The following FNBP1 variants were observed in gnomAD, a reference collection of about 807,000 sequenced individuals.
The protein encoded by FNBP1 is formin-binding protein 1.
FNBP1 carries 26 observed loss-of-function variants against 90.6 expected under a neutral mutation model. The ratio of observed to expected loss-of-function variants is 0.29; its 90% CI spans 0.21 to 0.40. The LOEUF is 0.40. FNBP1 is among the 10% of genes least tolerant of loss of function. FNBP1 has a pLI of 1.00. For synonymous variants in FNBP1, 260 were observed against 265.2 expected (o/e 0.98, Z 0.19); for missense variants, 635 against 768.0 (o/e 0.83, Z 2.05).
intron 1 of FNBP1, among the ~76,000 whole-genome samples, chr9:129,998,331 A>G (rs1029935048): frequency 6.6e-6 from 1 of 151,882 alleles, no homozygotes; most frequent in Admixed American, 6.6e-5. Context: ...CCTGGCCAAC[A>G]TGGTAAAACC....
chr9:129,892,105 A>G (rs890755885), intron 16 of FNBP1, among the ~76,000 whole-genome samples: 1 of 152,142 alleles, frequency 6.6e-6, no homozygotes. Context: ...GCAGTTATAA[A>G]AACAGAAAGG....
chr9:129,964,784 T>G (rs935800204), intron 4 of FNBP1, among the ~76,000 whole-genome samples: 3 of 151,978 alleles, frequency 2.0e-5, no homozygotes, highest in Non-Finnish European at 4.4e-5. Context: ...AGCTGCTCAT[T>G]TTTGCTATTT....
chr9:129,982,374 G>C (rs1329098991), intron 2 of FNBP1, among the ~76,000 whole-genome samples: 1 of 152,144 alleles, frequency 6.6e-6, no homozygotes, highest in Non-Finnish European at 1.5e-5. Context: ...GGGAGGCTGG[G>C]GCAGGGGAAT....
chr9:130,007,739 G>A (rs565323887), intron 1 of FNBP1, among the ~76,000 whole-genome samples: 3 of 152,224 alleles, frequency 2.0e-5, no homozygotes, highest in Admixed American at 6.5e-5. Flanking sequence ...TTTTAAGGCC[G>A]GCGTGGTGGC....
At chr9:129,913,390 G>T (rs2039689563) in intron 11 of FNBP1, among the ~76,000 whole-genome samples, 1 of 152,102 alleles carries the variant, frequency 6.6e-6, no homozygotes, top group Non-Finnish European at 1.5e-5. Flanking sequence ...AACAGGAGGA[G>T]TTGGTATGGG....
chr9:129,905,314 T>TATATATATATATATA (rs1564282833), intron 12 of FNBP1, among the ~76,000 whole-genome samples: 2 of 48,816 alleles, frequency 4.1e-5, no homozygotes, highest in African/African-American at 1.3e-4. Flanking sequence ...ATATATATAT[T>TATATATATATATATA]TTGTTAATTA....
chr9:129,908,514 ATTTCT>A (rs1282840188), intron 12 of FNBP1, among the ~76,000 whole-genome samples: 4 of 145,044 alleles, frequency 2.8e-5, no homozygotes, highest in African/African-American at 5.1e-5. Context: ...CTGAACTTGA[ATTTCT>A]TTTCTTTTAA....
chr9:129,964,687 T>G (rs1194068115), intron 4 of FNBP1, among the ~76,000 whole-genome samples: 1 of 151,734 alleles, frequency 6.6e-6, no homozygotes, highest in Non-Finnish European at 1.5e-5. Context: ...ACAATTTTAC[T>G]GAACTGCAAG....
At position 129,900,560 on chromosome 9, in the gene FNBP1, G is replaced by A. The variant is rs1218322055; in HGVS notation, c.1429-13C>T. 3.9e-6 allele frequency: 6 copies of A among 1,534,808 alleles called. No homozygotes were observed. Among genetic ancestry groups the A allele is most frequent in the Admixed American group, 2.1e-5 (1 of 47,028 alleles). ...CAGCCAGCCAGGCCTGGAGACAAAA[G>A]CAATGAGAGACTCCAACCTAAGGCC... is the stretch of plus-strand genomic sequence containing the variant. On this transcript the variant is annotated splice_polypyrimidine_tract_variant and intron_variant, in intron 13 of 16. Coordinates refer to ENST00000446176, the MANE Select transcript of FNBP1 (RefSeq NM_015033.3). The surrounding 1 kb of genome is among the most constrained non-coding windows in gnomAD (Gnocchi z 4.1).
At chr9:129,905,313 T>TATATATATATATATATATATATA (rs1554766990) in intron 12 of FNBP1, among the ~76,000 whole-genome samples, 9 of 145,590 alleles carry the variant, frequency 6.2e-5, no homozygotes, top group African/African-American at 2.0e-4. Flanking sequence ...TATATATATA[T>TATATATATATATATATATATATA]TTTGTTAATT....
At chr9:129,947,478 G>A (rs552977335) in intron 6 of FNBP1, among the ~76,000 whole-genome samples, 2 of 149,928 alleles carry the variant, frequency 1.3e-5, no homozygotes, top group Non-Finnish European at 3.0e-5. Flanking sequence ...AAAAACAAAA[G>A]GCAAGTTCCT....
intron 2 of FNBP1, among the ~76,000 whole-genome samples, chr9:129,989,955 T>C (rs2052864657): frequency 6.6e-6 from 1 of 151,962 alleles, no homozygotes; most frequent in South Asian, 2.1e-4. Context: ...GGAGGTTCAC[T>C]TGAGCCCGGG....
intron 7 of FNBP1, 33 bp from the exon 8 acceptor site, chr9:129,927,374 G>A: frequency 6.3e-7 from 1 of 1,594,880 alleles, no homozygotes; most frequent in Non-Finnish European, 8.6e-7. Flanking sequence ...AAGTAAGTTT[G>A]GTCCATTATT....
intron 12 of FNBP1, 41 bp from the exon 13 acceptor site, chr9:129,903,042 A>T (rs1564276004): frequency 2.8e-5 from 38 of 1,367,588 alleles, no homozygotes; most frequent in South Asian, 2.6e-4. Context: ...AGGTTACTCC[A>T]TTTTTTTTTT....
At chr9:129,992,549 C>CCT (rs2053341841) in intron 2 of FNBP1, among the ~76,000 whole-genome samples, 1 of 92,532 alleles carries the variant, frequency 1.1e-5, no homozygotes, top group African/African-American at 4.4e-5. Context: ...ACACATAGCT[C>CCT]TTTTTTTTTT....
At chr9:129,975,194 G>A (rs183804204) in intron 4 of FNBP1, among the ~76,000 whole-genome samples, 366 of 152,294 alleles carry the variant, frequency 2.4e-3, no homozygotes, top group East Asian at 7.7e-3. Context: ...ACTCCAGCCC[G>A]GGCAACAGAG....
chr9:129,956,173 T>C (rs551705934), intron 6 of FNBP1, among the ~76,000 whole-genome samples: 73 of 152,314 alleles, frequency 4.8e-4, no homozygotes, highest in East Asian at 9.6e-4. Flanking sequence ...GGCAAGAATA[T>C]GTATTTTAAT....
chr9:129,939,245 C>T (rs1218180236), intron 6 of FNBP1, among the ~76,000 whole-genome samples: 2 of 150,420 alleles, frequency 1.3e-5, no homozygotes, highest in Admixed American at 1.3e-4. Flanking sequence ...AAAAATCAGC[C>T]GGGCATGGTG....
chr9:129,917,060 A>G (rs1045652299), intron 10 of FNBP1, among the ~76,000 whole-genome samples: 5 of 151,930 alleles, frequency 3.3e-5, no homozygotes, highest in African/African-American at 1.2e-4. Flanking sequence ...TCGCCCAGGC[A>G]GGAGTGCAGT....
Sources: gnomAD v4.1 joint callset for allele counts (sites outside exome capture counted in the v4.1 genomes callset) on GRCh38, gnomAD v4.1.1 for gene constraint, Gnocchi (gnomAD v3.1) non-coding constraint, MANE v1.5 for transcripts, NCBI Gene and HGNC (gene_info 2026-07-23, HGNC 2026-07-21) for gene names.